Variants in TRIM4 observed in about 807,000 individuals in gnomAD.
The protein encoded by TRIM4 is E3 ubiquitin-protein ligase TRIM4.
Under a neutral mutation model 33.7 loss-of-function variants are expected in TRIM4, and 29 were observed. The observed-to-expected ratio is 0.86, with a 90% CI of 0.64 to 1.17. The LOEUF is 1.17. Ranked by LOEUF, TRIM4 falls within the 50% of genes most tolerant of loss-of-function variation. The pLI is 0.00. For synonymous variants in TRIM4, 224 were observed against 233.0 expected (o/e 0.96, Z 0.35); for missense variants, 554 against 593.7 (o/e 0.93, Z 0.69).
At chr7:99,913,564 A>C (rs1313670993) in intron 1 of TRIM4, among the ~76,000 whole-genome samples, 1 of 152,060 alleles carries the variant, frequency 6.6e-6, no homozygotes, top group Non-Finnish European at 1.5e-5. Flanking sequence ...CCAGCTACTC[A>C]GGAAGCTGAG....
intron 5 of TRIM4, chr7:99,901,426 A>G (rs1819164174): frequency 2.0e-5 from 3 of 152,142 alleles, no homozygotes; most frequent in Non-Finnish European, 2.9e-5. Context: ...CTGCTTTCCT[A>G]TCTTTTTGCA....
At chr7:99,899,148 GT>G (rs1275361396) in intron 5 of TRIM4, among the ~76,000 whole-genome samples, 1 of 152,170 alleles carries the variant, frequency 6.6e-6, no homozygotes, top group Non-Finnish European at 1.5e-5. Context: ...TAAGAAGACT[GT>G]GTATTCAGAG....
At chr7:99,916,896 A>T in intron 1 of TRIM4, 1 of 698,882 alleles carries the variant, frequency 1.4e-6, no homozygotes, top group Non-Finnish European at 2.6e-6. Context: ...CTTCATGATA[A>T]GGCCCTGCCT....
intron 4 of TRIM4, 35 bp downstream of exon 4, chr7:99,903,541 C>T (rs1434788357): frequency 1.2e-6 from 2 of 1,613,844 alleles, no homozygotes; most frequent in South Asian, 1.1e-5. Flanking sequence ...TTTACCATGC[C>T]ACCCAGGTCC....
At chr7:99,892,882 C>T in intron 5 of TRIM4, 136 bp from the exon 6 acceptor site, 1 of 772,016 alleles carries the variant, frequency 1.3e-6, no homozygotes, top group South Asian at 1.8e-5. Flanking sequence ...CCCAACTGAT[C>T]CTCAGCCAGG....
Position 99,908,650 on chromosome 7 carries a change from C to T in TRIM4, c.652G>A (p.Ala218Thr), listed in dbSNP as rs750517431. 1.9e-6 allele frequency: 3 copies of T among 1,614,098 alleles called. No homozygotes were observed. Among genetic ancestry groups the T allele is most frequent in the South Asian group, 1.1e-5 (1 of 91,066 alleles). Residue 218 changes from alanine to threonine, a missense_variant, in exon 3 of 6, where the codon GCT becomes ACT. This residue lies in a region of TRIM4 where 290 missense variants were observed against 335.8 expected (regional missense o/e 0.86). Transcript: ENST00000349062. ...ENTLKLNQTI[A>T]SLKKLILEVG... ...TCTAAGATGAGCTTCTTCAATGAAG[C>T]GATAGTTTGATTGAGTTTTAACGTG...
At chr7:99,896,668 G>A (rs745625537) in intron 5 of TRIM4, among the ~76,000 whole-genome samples, 1 of 152,190 alleles carries the variant, frequency 6.6e-6, no homozygotes, top group Non-Finnish European at 1.5e-5. Flanking sequence ...AAAATTCCAC[G>A]AGTGCCAAGA....
At chr7:99,914,322 T>A (rs193033970) in intron 1 of TRIM4, among the ~76,000 whole-genome samples, 1 of 152,178 alleles carries the variant, frequency 6.6e-6, no homozygotes, top group Non-Finnish European at 1.5e-5. Flanking sequence ...TACATCCAGC[T>A]AATTTTTGTA....
At chr7:99,900,602 C>T (rs1819141136) in intron 5 of TRIM4, among the ~76,000 whole-genome samples, 2 of 152,212 alleles carry the variant, frequency 1.3e-5, no homozygotes, top group Admixed American at 1.3e-4. Flanking sequence ...GTCTGAAGGA[C>T]TTCCTTTAAG....
chr7:99,911,885 G>A (rs1469943860), intron 1 of TRIM4, among the ~76,000 whole-genome samples: 4 of 152,190 alleles, frequency 2.6e-5, no homozygotes, highest in South Asian at 2.1e-4. Flanking sequence ...AAACAGTCCA[G>A]GTATTCATTG....
chr7:99,901,017 A>T (rs1444103701), intron 5 of TRIM4: 8 of 152,002 alleles, frequency 5.3e-5, no homozygotes, highest in Non-Finnish European at 1.2e-4. Flanking sequence ...GTCTTCAAGT[A>T]TTTTTCCTAT....
chr7:99,908,827 G>A lies in TRIM4; in HGVS notation c.490-15C>T, dbSNP rs1399970928. The A allele has an allele frequency of 6.2e-7, 1 of 1,606,082 alleles. No homozygotes were observed. Among genetic ancestry groups the A allele is most frequent in the African/African-American group, 1.3e-5 (1 of 74,286 alleles). ...TTTATCTTATCCTAAGGCCACATGAGATTTGCTCACTCCTTTTTCTGCCTG... is the reference window on the plus strand; with the variant it reads ...TTTATCTTATCCTAAGGCCACATGAAATTTGCTCACTCCTTTTTCTGCCTG... On this transcript the variant is annotated splice_polypyrimidine_tract_variant and intron_variant, in intron 2 of 5. Coordinates refer to ENST00000349062, the MANE Select transcript of TRIM4 (RefSeq NM_033091.3).
In TRIM4 at chr7:99,908,813, C is replaced by A. The variant is rs776923095; in HGVS notation, c.490-1G>T. The A allele has an allele frequency of 1.1e-5, 18 of 1,612,574 alleles. No individual in the cohort carries two copies. Among genetic ancestry groups the A allele is most frequent in the Non-Finnish European group, 1.4e-5 (17 of 1,179,542 alleles). ...TCATTCGCTGACTCTTTATCTTATC[C>A]TAAGGCCACATGAGATTTGCTCACT... On this transcript the variant is annotated splice_acceptor_variant, in intron 2 of 5. Coordinates refer to ENST00000349062, the MANE Select transcript of TRIM4 (RefSeq NM_033091.3). LOFTEE classifies it high-confidence loss of function.
chr7:99,918,354 G>A (rs1487179801), intron 1 of TRIM4, among the ~76,000 whole-genome samples: 2 of 152,174 alleles, frequency 1.3e-5, no homozygotes, highest in Non-Finnish European at 2.9e-5. Flanking sequence ...ATCACTTGAG[G>A]TCAGCAGTTC....
intron 3 of TRIM4, among the ~76,000 whole-genome samples, chr7:99,904,283 C>T (rs1302276008): frequency 2.0e-5 from 3 of 152,100 alleles, no homozygotes; most frequent in African/African-American, 7.2e-5. Flanking sequence ...AAACCTGTAA[C>T]TCAGCCTAAT....
In TRIM4 at chr7:99,912,125, A is replaced by G. The variant is rs192950303; in HGVS notation, c.394-2465T>C. On this transcript the variant is annotated intron_variant, in intron 1 of 5. Transcript: ENST00000349062. ...GTGCAGAGAATAACTGGGAAAGGGC[A>G]TGAAAGAATTCTCTGGATGGTAATA... 3.9e-5 allele frequency among the ~76,000 whole-genome samples: 6 copies of G among 152,330 alleles called. No homozygotes were observed. In the South Asian group the frequency reaches 6.2e-4, roughly 16 times the overall value.
chr7:99,908,783 G>A lies in TRIM4; in HGVS notation c.519C>T (p.Ile173=). The change falls in exon 3 of 6, where the codon ATC becomes ATT. Residue 173 remains isoleucine, a synonymous_variant. Transcript: ENST00000349062. Reference sequence around the variant, plus strand: ...TGTGCAGCTTTGAAAACTCCGTGCTGATTCTCATTCGCTGACTCTTTATCT... The same window carrying A: ...TGTGCAGCTTTGAAAACTCCGTGCTAATTCTCATTCGCTGACTCTTTATCT... The part of the protein sequence containing the change: ...KDKIKSQRMR[I]STEFSKLHNF... The A allele has an allele frequency of 1.2e-6, 2 of 1,614,112 alleles. No homozygotes were observed. Among genetic ancestry groups the A allele is most frequent in the Non-Finnish European group, 1.7e-6 (2 of 1,180,016 alleles).
chr7:99,904,850 G>A (rs1268984635), intron 3 of TRIM4, among the ~76,000 whole-genome samples: 1 of 151,938 alleles, frequency 6.6e-6, no homozygotes, highest in Non-Finnish European at 1.5e-5. Context: ...TGGCCAACAT[G>A]ATGACACCCC....
At chr7:99,898,924 C>T (rs1485596422) in intron 5 of TRIM4, among the ~76,000 whole-genome samples, 3 of 152,166 alleles carry the variant, frequency 2.0e-5, no homozygotes, top group Non-Finnish European at 4.4e-5. Flanking sequence ...AGTATGATTG[C>T]TACTATGCTT....
Sources: allele counts gnomAD v4.1 joint callset (sites outside exome capture counted in the v4.1 genomes callset), GRCh38; gene constraint gnomAD v4.1.1; regional missense constraint gnomAD v4.1.1; transcripts MANE v1.5; gene names NCBI Gene and HGNC (gene_info 2026-07-23, HGNC 2026-07-21).